KAZN: variants seen among roughly 807,000 people sequenced by gnomAD.
The protein encoded by KAZN is kazrin.
A neutral mutation model predicts 87.4 loss-of-function variants in KAZN; 40 were observed. The observed-to-expected ratio is 0.46, with a 90% confidence interval of 0.36 to 0.60. The LOEUF (loss-of-function observed/expected upper bound fraction) is 0.60, where lower values mean the gene tolerates loss of function less well. Ranked by LOEUF, KAZN falls within the 20% of genes least tolerant of loss-of-function variation. The pLI, the probability that KAZN is intolerant of heterozygous loss-of-function variation, is 0.00. For synonymous variants in KAZN, 466 were observed against 458.3 expected (o/e 1.02, Z -0.22); for missense variants, 898 against 1,073.9 (o/e 0.84, Z 2.29).
chr1:14,707,848 T>G (rs1041593835), intron 1 of KAZN, among the ~76,000 whole-genome samples: 1 of 152,214 alleles, frequency 6.6e-6, no homozygotes, highest in African/African-American at 2.4e-5. Context: ...TTTAATTAAA[T>G]ATAATTTATC....
chr1:14,993,921 G>A (rs1667608897), intron 2 of KAZN, among the ~76,000 whole-genome samples: 1 of 152,228 alleles, frequency 6.6e-6, no homozygotes, highest in Non-Finnish European at 1.5e-5. Flanking sequence ...AACAGGACAG[G>A]CACTCCATGC....
intron 1 of KAZN, among the ~76,000 whole-genome samples, chr1:14,019,174 A>T (rs542402536): frequency 1.3e-5 from 2 of 152,376 alleles, no homozygotes; most frequent in African/African-American, 4.8e-5. Flanking sequence ...TTTGTGTAAC[A>T]TGATTTGAAA....
intron 2 of KAZN, among the ~76,000 whole-genome samples, chr1:14,504,553 G>C (rs1557763415): frequency 6.6e-6 from 1 of 152,184 alleles, no homozygotes; most frequent in South Asian, 2.1e-4. Context: ...CAGCTGATAC[G>C]ATGGGATCTG....
intron 2 of KAZN, among the ~76,000 whole-genome samples, chr1:14,414,696 T>C (rs1446867378): frequency 1.3e-5 from 2 of 152,060 alleles, no homozygotes; most frequent in African/African-American, 4.8e-5. Context: ...TAAACATCAA[T>C]CCCTCTGGGA....
intron 1 of KAZN, among the ~76,000 whole-genome samples, chr1:14,934,808 C>T (rs1046939630): frequency 3.9e-5 from 6 of 152,210 alleles, no homozygotes; most frequent in Non-Finnish European, 5.9e-5. Context: ...GGCCTCCAGT[C>T]GCCCCCTCCA....
At chr1:14,604,254 T>G (rs1180328051) in intron 1 of KAZN, among the ~76,000 whole-genome samples, 1 of 152,170 alleles carries the variant, frequency 6.6e-6, no homozygotes, top group Non-Finnish European at 1.5e-5. Context: ...GCAGGCATAG[T>G]GGGTTCAGAA....
intron 4 of KAZN, among the ~76,000 whole-genome samples, chr1:15,051,644 C>T (rs1441722081): frequency 1.3e-5 from 2 of 152,170 alleles, no homozygotes; most frequent in African/African-American, 4.8e-5. Flanking sequence ...GCTGGAGGAA[C>T]GAAGGCACGG....
At chr1:14,085,562 T>C (rs1643829072) in intron 1 of KAZN, among the ~76,000 whole-genome samples, 1 of 152,226 alleles carries the variant, frequency 6.6e-6, no homozygotes, top group Admixed American at 6.5e-5. Context: ...CTTAGCATAT[T>C]GCTTTTGACA....
At chr1:14,562,232 G>A (rs928106816) in intron 2 of KAZN, among the ~76,000 whole-genome samples, 5 of 152,206 alleles carry the variant, frequency 3.3e-5, no homozygotes, top group African/African-American at 1.2e-4. Flanking sequence ...TTAGTTGTGA[G>A]CAATTGCCTG....
intron 2 of KAZN, among the ~76,000 whole-genome samples, chr1:14,569,658 A>G (rs1348887076): frequency 6.6e-6 from 1 of 151,876 alleles, no homozygotes; most frequent in African/African-American, 2.4e-5. Flanking sequence ...ACTCGATAAT[A>G]TTTATCATCA....
rs562517495 is a variant in KAZN, at chr1:14,206,799, A to G, written c.249+26207A>G. On this transcript the variant is annotated intron_variant, in intron 2 of 16. Coordinates refer to the KAZN transcript ENST00000636203. Reference sequence around the variant, plus strand: ...CAAATTGAGTTGTTGATAGCTGTATAATATGCCATAACGTGGCCATGCCTG... The same window carrying G: ...CAAATTGAGTTGTTGATAGCTGTATGATATGCCATAACGTGGCCATGCCTG... Among the ~76,000 whole-genome samples the G allele has an allele frequency of 1.2e-4, 18 of 151,428 alleles. No individual in the cohort carries two copies. The South Asian group carries it at 3.8e-3, about 32-fold the overall frequency.
rs1265934394 is a variant in KAZN, at chr1:14,987,217, G to A, written c.418+26342G>A. On this transcript the variant is annotated intron_variant, in intron 2 of 14. Coordinates refer to ENST00000376030, the MANE Select transcript of KAZN (RefSeq NM_201628.3). The stretch of plus-strand genomic sequence containing the variant: ...TTGCCAAAGAAGTTCTCTCTGGGCC[G>A]GGCACGGTGGCTCACGCTTGTAATC... Among the ~76,000 whole-genome samples the A allele has an allele frequency of 1.3e-5, 2 of 152,170 alleles. 1 individual carries two copies. Among genetic ancestry groups the A allele is most frequent in the South Asian group, 4.1e-4 (2 of 4,832 alleles).
At chr1:14,973,969 C>T (rs1042947940) in intron 2 of KAZN, among the ~76,000 whole-genome samples, 2 of 152,008 alleles carry the variant, frequency 1.3e-5, no homozygotes, top group African/African-American at 4.8e-5. Context: ...CTAGGCGATT[C>T]TTAGGTTCTC....
intron 2 of KAZN, among the ~76,000 whole-genome samples, chr1:14,228,474 G>T (rs762445535): frequency 2.6e-5 from 4 of 152,194 alleles, no homozygotes; most frequent in Non-Finnish European, 5.9e-5. Context: ...TGGCTGAGGG[G>T]ATAGAAGCAG....
At chr1:14,476,857 C>T (rs1458155024) in intron 2 of KAZN, among the ~76,000 whole-genome samples, 2 of 152,164 alleles carry the variant, frequency 1.3e-5, no homozygotes, top group Non-Finnish European at 2.9e-5. Flanking sequence ...TCTCTCTAGC[C>T]GTGGCGATAC....
chr1:14,621,282 C>T (rs1222446416), intron 1 of KAZN, among the ~76,000 whole-genome samples: 1 of 152,200 alleles, frequency 6.6e-6, no homozygotes, highest in African/African-American at 2.4e-5. Context: ...AACTGTGCTG[C>T]AAGTGTATTA....
At chr1:14,642,786 G>A (rs907501323) in intron 1 of KAZN, among the ~76,000 whole-genome samples, 2 of 152,044 alleles carry the variant, frequency 1.3e-5, no homozygotes, top group African/African-American at 2.4e-5. Flanking sequence ...AAATACCACT[G>A]TATCCCCTGA....
intron 1 of KAZN, among the ~76,000 whole-genome samples, chr1:14,639,918 C>T (rs1022716643): frequency 6.6e-5 from 10 of 152,164 alleles, no homozygotes; most frequent in South Asian, 2.1e-4. Flanking sequence ...CCCACTTTCC[C>T]GTACCTAAGA....
chr1:14,377,180 T>C (rs982940176), intron 2 of KAZN, among the ~76,000 whole-genome samples: 1 of 152,228 alleles, frequency 6.6e-6, no homozygotes, highest in Admixed American at 6.5e-5. Context: ...CTGCTCAGTA[T>C]AATATAGACA....
Sources: gnomAD v4.1 joint callset for allele counts (sites outside exome capture counted in the v4.1 genomes callset) on GRCh38, gnomAD v4.1.1 for gene constraint, MANE v1.5 for transcripts, NCBI Gene and HGNC (gene_info 2026-07-23, HGNC 2026-07-21) for gene names.